The following C1orf21 variants were observed in gnomAD, a reference collection of about 807,000 sequenced individuals.
C1orf21 encodes uncharacterized protein C1orf21.
Under a neutral mutation model 18.7 loss-of-function variants are expected in C1orf21, and 3 were observed. The ratio of observed to expected loss-of-function variants is 0.16; its 90% CI spans 0.07 to 0.42. The LOEUF (loss-of-function observed/expected upper bound fraction) is 0.42, where lower values mean the gene tolerates loss of function less well. Among genes scored for constraint, C1orf21 ranks in the 10% least tolerant of loss-of-function variants. The pLI is 0.99. For synonymous variants in C1orf21, 41 were observed against 46.4 expected (o/e 0.88, Z 0.47); for missense variants, 104 against 143.6 (o/e 0.72, Z 1.41).
At chr1:184,559,160 T>C (rs2101985040) in intron 3 of C1orf21, among the ~76,000 whole-genome samples, 1 of 152,294 alleles carries the variant, frequency 6.6e-6, no homozygotes, top group South Asian at 2.1e-4. Context: ...AGGTCAGGCC[T>C]GGTAGGAGGT....
chr1:184,577,827 T>C (rs933760879), intron 3 of C1orf21, among the ~76,000 whole-genome samples: 1 of 152,228 alleles, frequency 6.6e-6, no homozygotes, highest in Non-Finnish European at 1.5e-5. Flanking sequence ...TAATATTTTG[T>C]TAACTTTTAC....
chr1:184,592,376 TC>T (rs2101999786), intron 4 of C1orf21: 1 of 152,322 alleles, frequency 6.6e-6, no homozygotes, highest in South Asian at 2.1e-4. Flanking sequence ...CAGATGACTA[TC>T]CCGAAATGTT....
intron 1 of C1orf21, among the ~76,000 whole-genome samples, chr1:184,463,100 A>AAAGAAG (rs1332140278): frequency 1.3e-5 from 2 of 151,218 alleles, no homozygotes; most frequent in Non-Finnish European, 2.9e-5. Flanking sequence ...AAAAAAAAAA[A>AAAGAAG]AAGAAGAAGA....
chr1:184,484,186 C>T (rs1423412293), intron 2 of C1orf21, among the ~76,000 whole-genome samples: 2 of 152,132 alleles, frequency 1.3e-5, no homozygotes, highest in Non-Finnish European at 2.9e-5. Flanking sequence ...GCCTTGGCCT[C>T]CCAAAGTGCT....
At chr1:184,477,713 AC>A in intron 2 of C1orf21, 110 bp downstream of exon 2, 1 of 817,152 alleles carries the variant, frequency 1.2e-6, no homozygotes, top group Non-Finnish European at 1.9e-6. Flanking sequence ...ATATTTTGTT[AC>A]ATGCCTAGAA....
At chr1:184,551,678 C>A (rs182686059) in intron 3 of C1orf21, among the ~76,000 whole-genome samples, 1 of 152,160 alleles carries the variant, frequency 6.6e-6, no homozygotes, top group African/African-American at 2.4e-5. Context: ...GTGGATCCAT[C>A]GCCTCATCTG....
intron 1 of C1orf21, among the ~76,000 whole-genome samples, chr1:184,419,332 A>G (rs1656509408): frequency 6.6e-6 from 1 of 152,220 alleles, no homozygotes; most frequent in South Asian, 2.1e-4. Flanking sequence ...AAATGTTTTC[A>G]TACTATAGTA....
intron 3 of C1orf21, among the ~76,000 whole-genome samples, chr1:184,588,008 A>G (rs894276456): frequency 1.3e-5 from 2 of 152,244 alleles, no homozygotes; most frequent in Admixed American, 1.3e-4. Context: ...GGAAGTATGC[A>G]TAAAGCATTT....
intron 4 of C1orf21, among the ~76,000 whole-genome samples, chr1:184,596,277 T>A (rs973795939): frequency 6.6e-6 from 1 of 152,214 alleles, no homozygotes; most frequent in Non-Finnish European, 1.5e-5. Context: ...GCCCTGGTTT[T>A]ATAGATGAGG....
chr1:184,581,981 C>T (rs1291413826), intron 3 of C1orf21, among the ~76,000 whole-genome samples: 1 of 152,106 alleles, frequency 6.6e-6, no homozygotes, highest in African/African-American at 2.4e-5. Context: ...TCTCTGTGGA[C>T]AGGTAATTGT....
chr1:184,459,439 T>G (rs1310209443), intron 1 of C1orf21, among the ~76,000 whole-genome samples: 1 of 152,210 alleles, frequency 6.6e-6, no homozygotes, highest in Non-Finnish European at 1.5e-5. Flanking sequence ...TGAGAGAAAC[T>G]ACATGCAGCT....
rs142541959 is a variant in C1orf21, at chr1:184,395,938, C to G, written c.-125+8570C>G. Among the ~76,000 whole-genome samples the G allele has an allele frequency of 2.4e-3, 373 of 152,260 alleles. 7 individuals carry two copies. Among genetic ancestry groups the G allele is most frequent in the South Asian group, 0.02 (95 of 4,816 alleles). ...CTGGGGACTAACACTGGTTTGCTAA[C>G]TTTGAATTTTTTTTATTTTACTGTA... is the stretch of plus-strand genomic sequence containing the variant. On this transcript the variant is annotated intron_variant, in intron 1 of 5. Coordinates refer to ENST00000235307, the MANE Select transcript of C1orf21 (RefSeq NM_030806.4).
chr1:184,441,652 T>G (rs906920195), intron 1 of C1orf21, among the ~76,000 whole-genome samples: 3 of 152,190 alleles, frequency 2.0e-5, no homozygotes, highest in African/African-American at 7.2e-5. Context: ...ATTTTATAGA[T>G]GAGTAGGCAG....
intron 1 of C1orf21, among the ~76,000 whole-genome samples, chr1:184,450,374 G>C (rs987106566): frequency 6.6e-6 from 1 of 152,132 alleles, no homozygotes; most frequent in African/African-American, 2.4e-5. Flanking sequence ...ATGGGTGCCT[G>C]ACCAGCTGTA....
intron 3 of C1orf21, among the ~76,000 whole-genome samples, chr1:184,580,892 T>A (rs1304180695): frequency 1.3e-5 from 2 of 152,244 alleles, no homozygotes; most frequent in Non-Finnish European, 2.9e-5. Context: ...TAATACACGT[T>A]TTCCATGAAC....
intron 1 of C1orf21, among the ~76,000 whole-genome samples, chr1:184,445,610 C>A (rs1455693783): frequency 6.6e-6 from 1 of 151,638 alleles, no homozygotes; most frequent in Non-Finnish European, 1.5e-5. Flanking sequence ...AACATACTTG[C>A]TGTAGATATT....
intron 3 of C1orf21, among the ~76,000 whole-genome samples, chr1:184,514,497 G>A (rs933129364): frequency 4.6e-5 from 7 of 152,160 alleles, no homozygotes; most frequent in Non-Finnish European, 7.3e-5. Flanking sequence ...AAATGTTGAA[G>A]TTTGATAATA....
intron 3 of C1orf21, among the ~76,000 whole-genome samples, chr1:184,551,948 A>T (rs1458292398): frequency 6.6e-6 from 1 of 151,864 alleles, no homozygotes; most frequent in Non-Finnish European, 1.5e-5. Context: ...TGTCTTAAAA[A>T]AAAAAAAAAA....
At chr1:184,452,611 T>C (rs74131677) in intron 1 of C1orf21, among the ~76,000 whole-genome samples, 153 of 152,368 alleles carry the variant, frequency 1.0e-3, no homozygotes, top group African/African-American at 3.5e-3. Context: ...CAATTTGTAC[T>C]TGTTCACAGT....
Sources: gnomAD v4.1 joint callset for allele counts (sites outside exome capture counted in the v4.1 genomes callset) on GRCh38, gnomAD v4.1.1 for gene constraint, MANE v1.5 for transcripts, NCBI Gene and HGNC (gene_info 2026-07-23, HGNC 2026-07-21) for gene names.